The following ADD3 variants were observed in gnomAD, a reference collection of about 807,000 sequenced individuals.
The protein encoded by ADD3 is gamma-adducin.
A neutral mutation model predicts 80.2 loss-of-function variants in ADD3; 25 were observed. The observed-to-expected ratio is 0.31, with a 90% CI of 0.23 to 0.44. ADD3 has a LOEUF of 0.44. Ranked by LOEUF, ADD3 falls within the 20% of genes least tolerant of loss-of-function variation. The pLI, the probability that ADD3 is intolerant of heterozygous loss-of-function variation, is 1.00. For missense variants in ADD3, 829 were observed against 847.5 expected (o/e 0.98, Z 0.27); for synonymous variants, 284 against 289.6 (o/e 0.98, Z 0.20).
chr10:110,024,984 T>G (rs905020256), intron 1 of ADD3, among the ~76,000 whole-genome samples: 10 of 151,492 alleles, frequency 6.6e-5, no homozygotes, highest in Non-Finnish European at 1.5e-4. Flanking sequence ...CAGGAGTGCA[T>G]TGGGTTCAAG....
chr10:110,013,388 C>T (rs1362408814), intron 1 of ADD3, among the ~76,000 whole-genome samples: 7 of 152,314 alleles, frequency 4.6e-5, no homozygotes, highest in Middle Eastern at 3.4e-3. Context: ...CAGGCGTGAG[C>T]CACTGCACTC....
rs1851644746 is a variant in ADD3 at position 110,122,570 on chromosome 10, T to G, written c.1143+278T>G. On this transcript the variant is annotated intron_variant, in intron 9 of 14. Transcript: ENST00000356080. ...CTCCTAACTGAAATTTTGTATCCTTTGATCAACATCTCCCCACCCCCACCT... is the reference window on the plus strand; with the variant it reads ...CTCCTAACTGAAATTTTGTATCCTTGGATCAACATCTCCCCACCCCCACCT... 2.0e-5 allele frequency among the ~76,000 whole-genome samples: 3 copies of G among 152,128 alleles called. No individual in the cohort carries two copies. In the South Asian group the frequency reaches 6.2e-4, roughly 32 times the overall value.
rs1850216710 is a variant in ADD3 at position 110,112,810 on chromosome 10, G to A, written c.229G>A (p.Glu77Lys). ...GGAAGACTTGGAATGCCTTATTCAA[G>A]AACAGATGAAGAAAGGCCACAACCC... Reference protein sequence around the residue: ...FREDLECLIQEQMKKGHNPTG... With the variant: ...FREDLECLIQKQMKKGHNPTG... The change falls in exon 3 of 15, where the codon GAA (glutamate) becomes AAA (lysine). Residue 77 changes from glutamate to lysine, a missense_variant. Transcript: ENST00000356080. 1 of 1,614,020 alleles carries A rather than the reference G, an allele frequency of 6.2e-7. No individual in the cohort carries two copies. Among genetic ancestry groups the A allele is most frequent in the Non-Finnish European group, 8.5e-7 (1 of 1,179,970 alleles).
At chr10:110,064,762 A>G (rs1415576291) in intron 1 of ADD3, among the ~76,000 whole-genome samples, 2 of 152,186 alleles carry the variant, frequency 1.3e-5, no homozygotes, top group Non-Finnish European at 2.9e-5. Flanking sequence ...CTTATCTTAT[A>G]TGCTATTATT....
intron 1 of ADD3, among the ~76,000 whole-genome samples, chr10:110,049,833 G>A (rs914063376): frequency 2.7e-5 from 4 of 150,426 alleles, no homozygotes; most frequent in African/African-American, 9.9e-5. Flanking sequence ...CTTGCAGTGA[G>A]CCGAGATCGC....
chr10:110,116,173 C>G (rs763702799), intron 3 of ADD3, 86 bp from the exon 4 acceptor site: 14 of 1,357,294 alleles, frequency 1.0e-5, no homozygotes, highest in African/African-American at 4.3e-5. Context: ...TGGGATACTC[C>G]CAGACGCAGG....
At chr10:110,129,966 A>G (rs1175219522) in intron 12 of ADD3, among the ~76,000 whole-genome samples, 1 of 152,130 alleles carries the variant, frequency 6.6e-6, no homozygotes, top group African/African-American at 2.4e-5. Flanking sequence ...TATTTTCGTA[A>G]CAGATTTAAA....
At chr10:110,095,953 G>A (rs1848101119) in intron 1 of ADD3, among the ~76,000 whole-genome samples, 1 of 152,130 alleles carries the variant, frequency 6.6e-6, no homozygotes, top group Non-Finnish European at 1.5e-5. Flanking sequence ...GATTAAGGAG[G>A]GAGTGGAAAT....
At chr10:110,099,011 C>G (rs1848496373) in intron 1 of ADD3, among the ~76,000 whole-genome samples, 1 of 151,844 alleles carries the variant, frequency 6.6e-6, no homozygotes, top group Non-Finnish European at 1.5e-5. Context: ...CCTCAACCTC[C>G]TGGGCTCAAG....
upstream of ADD3, chr10:110,005,998 TGCTGCTGCCGCCGCCGCC>T: frequency 8.1e-6 from 2 of 246,342 alleles, no homozygotes; most frequent in Non-Finnish European, 1.7e-5. Flanking sequence ...ATGCTGCTGC[TGCTGCTGCCGCCGCCGCC>T]GCTGCTGCTG....
chr10:110,020,874 AAAAGTCT>A (rs1853592679), intron 1 of ADD3, among the ~76,000 whole-genome samples: 1 of 152,232 alleles, frequency 6.6e-6, no homozygotes, highest in African/African-American at 2.4e-5. Flanking sequence ...GGGCCTAGGC[AAAAGTCT>A]AAGAAGGAGC....
At chr10:110,130,307 T>C in intron 12 of ADD3, 56 bp from the exon 13 acceptor site, 1 of 1,551,680 alleles carries the variant, frequency 6.4e-7, no homozygotes. Flanking sequence ...GATGGATGGA[T>C]AGATATATAA....
intron 1 of ADD3, among the ~76,000 whole-genome samples, chr10:110,074,860 A>AT (rs904142052): frequency 2.8e-4 from 43 of 152,272 alleles, no homozygotes; most frequent in African/African-American, 1.0e-3. Flanking sequence ...TCAGTAGAGT[A>AT]TTTTTATTTA....
intron 1 of ADD3, among the ~76,000 whole-genome samples, chr10:110,081,352 T>G (rs941505191): frequency 7.2e-5 from 11 of 152,144 alleles, no homozygotes; most frequent in African/African-American, 2.7e-4. Context: ...ACTGAGACAG[T>G]CTTGCTTAGA....
chr10:110,014,748 A>G (rs1205785313), intron 1 of ADD3, among the ~76,000 whole-genome samples: 2 of 150,046 alleles, frequency 1.3e-5, no homozygotes, highest in African/African-American at 4.9e-5. Flanking sequence ...GCTGGTCTCG[A>G]ACTCCCAACC....
intron 1 of ADD3, among the ~76,000 whole-genome samples, chr10:110,035,923 G>A (rs545562126): frequency 1.3e-5 from 2 of 152,126 alleles, no homozygotes; most frequent in Admixed American, 6.5e-5. Flanking sequence ...AGGCTGAAGC[G>A]GCAGATCACC....
chr10:110,106,539 C>A (rs1849413424), intron 2 of ADD3, among the ~76,000 whole-genome samples: 1 of 151,996 alleles, frequency 6.6e-6, no homozygotes. Flanking sequence ...ACATGAATCT[C>A]ACATCTCTGA....
intron 1 of ADD3, among the ~76,000 whole-genome samples, chr10:110,031,233 A>G (rs1457728036): frequency 1.3e-5 from 2 of 152,214 alleles, no homozygotes; most frequent in Non-Finnish European, 2.9e-5. Context: ...AGATTGTGCC[A>G]TTGCACTCCA....
In ADD3 at chr10:110,132,297, T is replaced by C; in HGVS notation, c.1733-8T>C. 1.2e-6 allele frequency: 2 copies of C among 1,607,678 alleles called. No homozygotes were observed. The highest frequency in any genetic ancestry group is 2.2e-5 in the East Asian group (1 of 44,822). On this transcript the variant is annotated splice_polypyrimidine_tract_variant and splice_region_variant and intron_variant, in intron 13 of 14. Coordinates refer to ENST00000356080, the MANE Select transcript of ADD3 (RefSeq NM_016824.5). ...TGCATGGCTTTTAACTAAACTCTTA[T>C]CCAACAGATGCTGAGCAGGAATTAC...
Sources: gnomAD v4.1 joint callset for allele counts (sites outside exome capture counted in the v4.1 genomes callset) on GRCh38, gnomAD v4.1.1 for gene constraint, MANE v1.5 for transcripts, NCBI Gene and HGNC (gene_info 2026-07-23, HGNC 2026-07-21) for gene names.